Variants in SH3RF3 observed in about 807,000 individuals in gnomAD.
SH3RF3 encodes SH3 domain containing ring finger 3.
A neutral mutation model predicts 66.3 loss-of-function variants in SH3RF3; 29 were observed. The ratio of observed to expected loss-of-function variants is 0.44; its 90% CI spans 0.33 to 0.60. SH3RF3 has a LOEUF of 0.60. Ranked by LOEUF, SH3RF3 falls within the 20% of genes least tolerant of loss-of-function variation. The probability of loss-of-function intolerance (pLI) is 0.04; values close to 1 mark genes in which losing one functional copy is unlikely to be tolerated. For missense variants in SH3RF3, 1,194 were observed against 1,190.9 expected (o/e 1.00, Z -0.04); for synonymous variants, 583 against 532.0 (o/e 1.10, Z -1.32).
At chr2:109,375,328 G>A (rs1011961778) in intron 3 of SH3RF3, among the ~76,000 whole-genome samples, 4 of 152,150 alleles carry the variant, frequency 2.6e-5, no homozygotes, top group Non-Finnish European at 4.4e-5. Flanking sequence ...TCCTGCGGCC[G>A]TCCCCACGCC....
intron 3 of SH3RF3, among the ~76,000 whole-genome samples, chr2:109,372,196 G>A (rs891894403): frequency 1.2e-4 from 18 of 152,228 alleles, no homozygotes; most frequent in African/African-American, 4.3e-4. Flanking sequence ...GGTGTTTTGA[G>A]GCTAATTCCA....
At chr2:109,170,186 C>T (rs983439247) in intron 1 of SH3RF3, among the ~76,000 whole-genome samples, 2 of 152,146 alleles carry the variant, frequency 1.3e-5, no homozygotes, top group Admixed American at 1.3e-4. Flanking sequence ...TCCTTATCTG[C>T]AGATGAACGA....
At chr2:109,181,044 A>C (rs1225802598) in intron 1 of SH3RF3, among the ~76,000 whole-genome samples, 1 of 152,200 alleles carries the variant, frequency 6.6e-6, no homozygotes, top group African/African-American at 2.4e-5. Flanking sequence ...TTTGATGGCC[A>C]GCCCGCTGTG....
At chr2:109,394,702 G>T (rs1418477093) in intron 3 of SH3RF3, among the ~76,000 whole-genome samples, 1 of 152,216 alleles carries the variant, frequency 6.6e-6, no homozygotes, top group African/African-American at 2.4e-5. Context: ...GATAAACAAG[G>T]TGACGCCACA....
chr2:109,449,049 C>T, intron 7 of SH3RF3, 121 bp from the exon 8 acceptor site: 1 of 1,225,394 alleles, frequency 8.2e-7, no homozygotes, highest in Admixed American at 2.5e-5. Context: ...TCTGGAGAAA[C>T]TTCAGAGAGA....
intron 8 of SH3RF3, among the ~76,000 whole-genome samples, chr2:109,475,955 T>C (rs1678671946): frequency 6.6e-6 from 1 of 152,168 alleles, no homozygotes; most frequent in Non-Finnish European, 1.5e-5. Context: ...AAACTTCCTG[T>C]GGTGAAATTT....
intron 1 of SH3RF3, among the ~76,000 whole-genome samples, chr2:109,168,633 G>A (rs1482010653): frequency 2.0e-5 from 3 of 151,434 alleles, no homozygotes; most frequent in East Asian, 2.0e-4. Context: ...CTTACAAATC[G>A]ATGCCATGGA....
chr2:109,292,780 T>C (rs1400335402), intron 1 of SH3RF3, among the ~76,000 whole-genome samples: 3 of 152,218 alleles, frequency 2.0e-5, no homozygotes, highest in Non-Finnish European at 4.4e-5. Flanking sequence ...TTGCCCAGGC[T>C]GGAGTGCAGT....
chr2:109,342,638 C>T (rs1407666040), intron 1 of SH3RF3, among the ~76,000 whole-genome samples: 1 of 152,242 alleles, frequency 6.6e-6, no homozygotes, highest in East Asian at 1.9e-4. Context: ...TGCAGGCCGA[C>T]TCTGGCACCC....
At chr2:109,281,123 C>T (rs1304727123) in intron 1 of SH3RF3, among the ~76,000 whole-genome samples, 2 of 152,192 alleles carry the variant, frequency 1.3e-5, no homozygotes, top group South Asian at 4.1e-4. Flanking sequence ...GGAATGGGCA[C>T]AGTTGTCACC....
chr2:109,328,112 G>A (rs1682197791), intron 1 of SH3RF3, among the ~76,000 whole-genome samples: 1 of 152,182 alleles, frequency 6.6e-6, no homozygotes, highest in Non-Finnish European at 1.5e-5. Flanking sequence ...ATTACCAACA[G>A]ATGAAGTCTT....
At chr2:109,340,466 T>A (rs965106915) in intron 1 of SH3RF3, among the ~76,000 whole-genome samples, 2 of 152,170 alleles carry the variant, frequency 1.3e-5, no homozygotes, top group African/African-American at 4.8e-5. Context: ...ATGCATTGGT[T>A]CTTTGCTGAA....
rs1440994442 is a variant in SH3RF3, at chr2:109,425,947, G to C, written c.1403+6305G>C. On this transcript the variant is annotated intron_variant, in intron 5 of 9. Transcript: ENST00000309415. ...GAGTTTCACTCTGTCGTCCAGGCTG[G>C]AGTGCAGTGGCATGATCTTGGCTCA... Among the ~76,000 whole-genome samples the C allele has an allele frequency of 2.0e-5, 3 of 152,044 alleles. 1 individual carries two copies. In the East Asian group the frequency reaches 5.8e-4, roughly 29 times the overall value.
Position 109,428,577 on chromosome 2 carries a change from T to A in SH3RF3, c.1404-3924T>A, listed in dbSNP as rs74926958. On this transcript the variant is annotated intron_variant, in intron 5 of 9. Transcript: ENST00000309415. ...TTCTGCCTGGAGGAGGCTGTACTTGTCCTCAGCAACCTGCCCTCAAGAGGC... is the reference window on the plus strand; with the variant it reads ...TTCTGCCTGGAGGAGGCTGTACTTGACCTCAGCAACCTGCCCTCAAGAGGC... Among the ~76,000 whole-genome samples the A allele has an allele frequency of 3.5e-3, 531 of 152,352 alleles. 22 individuals are homozygous for A. In the East Asian group the frequency reaches 0.063, roughly 18 times the overall value.
chr2:109,138,111 G>A (rs1217896379), intron 1 of SH3RF3, among the ~76,000 whole-genome samples: 1 of 152,214 alleles, frequency 6.6e-6, no homozygotes, highest in Non-Finnish European at 1.5e-5. Flanking sequence ...CGCCTCCAGG[G>A]TTCAAGCTAT....
At chr2:109,203,745 C>G (rs149949851) in intron 1 of SH3RF3, among the ~76,000 whole-genome samples, 3 of 152,222 alleles carry the variant, frequency 2.0e-5, no homozygotes, top group Admixed American at 6.5e-5. Flanking sequence ...TCTGCCCAGC[C>G]CACAGAACCC....
intron 1 of SH3RF3, among the ~76,000 whole-genome samples, chr2:109,325,311 ATTTC>A (rs1184978946): frequency 8.6e-4 from 103 of 119,294 alleles, no homozygotes; most frequent in Non-Finnish European, 1.3e-3. Flanking sequence ...CTGCCATTTA[ATTTC>A]TTTCTTTCTT....
At chr2:109,359,574 G>A (rs1403383545) in intron 2 of SH3RF3, among the ~76,000 whole-genome samples, 2 of 152,102 alleles carry the variant, frequency 1.3e-5, no homozygotes, top group Admixed American at 6.6e-5. Context: ...ATTGTATCAT[G>A]TTTTAACTTA....
At chr2:109,349,039 C>CAT (rs373759461) in intron 2 of SH3RF3, among the ~76,000 whole-genome samples, 10 of 152,054 alleles carry the variant, frequency 6.6e-5, no homozygotes, top group Admixed American at 1.3e-4. Context: ...CTCTCTCTCA[C>CAT]ACACACACGC....
Sources: allele counts gnomAD v4.1 joint callset (sites outside exome capture counted in the v4.1 genomes callset), GRCh38; gene constraint gnomAD v4.1.1; transcripts MANE v1.5; gene names NCBI Gene and HGNC (gene_info 2026-07-23, HGNC 2026-07-21).